GABBR2: variants seen among roughly 807,000 people sequenced by gnomAD.
GABBR2 encodes G-protein coupled receptor 51.
GABBR2 carries 23 observed loss-of-function variants against 105.6 expected under a neutral mutation model. The ratio of observed to expected loss-of-function variants is 0.22; its 90% CI spans 0.16 to 0.31. The LOEUF is 0.31. GABBR2 is among the 10% of genes least tolerant of loss of function. GABBR2 has a pLI of 1.00. For synonymous variants in GABBR2, 478 were observed against 499.7 expected, an observed-to-expected ratio of 0.96 and a Z score of 0.58; for missense variants, 734 against 1,245.5, an observed-to-expected ratio of 0.59 and a Z score of 6.18.
chr9:98,336,596 T>G (rs6478678), intron 13 of GABBR2, among the ~76,000 whole-genome samples: 66,987 of 151,794 alleles, frequency 0.44, 14,888 homozygotes, highest in African/African-American at 0.47. Flanking sequence ...TCCCAGCTAC[T>G]CGGGAGGCTG....
chr9:98,365,662 G>T (rs746945120), intron 12 of GABBR2, among the ~76,000 whole-genome samples: 5 of 152,222 alleles, frequency 3.3e-5, no homozygotes, highest in Non-Finnish European at 7.3e-5. Context: ...CACTGAGGAT[G>T]CAACAGTGGA....
At chr9:98,335,265 G>C (rs1330004785) in intron 13 of GABBR2, among the ~76,000 whole-genome samples, 2 of 152,140 alleles carry the variant, frequency 1.3e-5, no homozygotes, top group African/African-American at 4.8e-5. Flanking sequence ...AACTCCCCAG[G>C]TGGGCCTCTC....
At chr9:98,497,216 G>A (rs923248874) in intron 3 of GABBR2, among the ~76,000 whole-genome samples, 3 of 152,142 alleles carry the variant, frequency 2.0e-5, no homozygotes, top group African/African-American at 4.8e-5. Context: ...GCAGTGAGCC[G>A]TGATCACGCC....
At chr9:98,305,968 C>G (rs968422362) in intron 15 of GABBR2, among the ~76,000 whole-genome samples, 153 bp downstream of exon 15, 1 of 151,954 alleles carries the variant, frequency 6.6e-6, no homozygotes, top group African/African-American at 2.4e-5. Context: ...GCCTTTACTA[C>G]TGTGCATTTT....
intron 2 of GABBR2, chr9:98,552,056 G>A (rs1189925583): frequency 2.0e-5 from 3 of 152,164 alleles, no homozygotes; most frequent in Admixed American, 6.5e-5. Context: ...GAACCCAGAC[G>A]AAAAATGTAA....
intron 14 of GABBR2, among the ~76,000 whole-genome samples, chr9:98,310,750 G>A (rs112867666): frequency 0.017 from 2,616 of 152,232 alleles, 73 homozygotes; most frequent in African/African-American, 0.059. Flanking sequence ...ACTGGATGTC[G>A]GCAGACTGCT....
chr9:98,671,034 C>T (rs1830400372), intron 1 of GABBR2, among the ~76,000 whole-genome samples: 1 of 152,068 alleles, frequency 6.6e-6, no homozygotes, highest in Non-Finnish European at 1.5e-5. Context: ...GAAAATGCAA[C>T]CTAAATATAC....
At chr9:98,349,354 T>G (rs1244856973) in intron 13 of GABBR2, among the ~76,000 whole-genome samples, 17 of 16,248 alleles carry the variant, frequency 1.0e-3, no homozygotes, top group Middle Eastern at 0.028. Context: ...GTTTTGTTTT[T>G]TTTTTTTTTT....
At chr9:98,686,478 C>A (rs1334516374) in intron 1 of GABBR2, among the ~76,000 whole-genome samples, 2 of 152,120 alleles carry the variant, frequency 1.3e-5, no homozygotes, top group Non-Finnish European at 1.5e-5. Flanking sequence ...CTCACTGCAA[C>A]CTTCGCCTCC....
At position 98,670,148 on chromosome 9, in the gene GABBR2, G is replaced by T. The variant is rs376661537; in HGVS notation, c.321+38269C>A. Among the ~76,000 whole-genome samples, 40 of 152,134 alleles carry T rather than the reference G, an allele frequency of 2.6e-4. 2 individuals are homozygous for T. In the South Asian group the frequency reaches 8.1e-3, roughly 31 times the overall value. ...TGGAAAGCTTTTAAAAAATAAACAGGTTTATTGAGATATAATTCACATATA... is the reference window on the plus strand; with the variant it reads ...TGGAAAGCTTTTAAAAAATAAACAGTTTTATTGAGATATAATTCACATATA... On this transcript the variant is annotated intron_variant, in intron 1 of 18. Transcript: ENST00000259455.
intron 1 of GABBR2, among the ~76,000 whole-genome samples, chr9:98,640,506 A>G (rs1286223460): frequency 3.9e-5 from 6 of 152,096 alleles, no homozygotes; most frequent in Non-Finnish European, 1.5e-5. Context: ...CTGGCCAGAA[A>G]CCACCCTCCG....
intron 11 of GABBR2, among the ~76,000 whole-genome samples, chr9:98,372,003 CT>C (rs1412587405): frequency 6.6e-6 from 1 of 152,248 alleles, no homozygotes; most frequent in East Asian, 1.9e-4. Flanking sequence ...CCAGTGTCAC[CT>C]CAGAAGGTCA....
intron 7 of GABBR2, among the ~76,000 whole-genome samples, chr9:98,420,531 A>G (rs1006713022): frequency 6.6e-6 from 1 of 152,178 alleles, no homozygotes; most frequent in Non-Finnish European, 1.5e-5. Context: ...CAGGTACTGG[A>G]GATACAACAA....
intron 11 of GABBR2, among the ~76,000 whole-genome samples, chr9:98,381,770 C>T (rs1194915725): frequency 3.3e-5 from 5 of 152,150 alleles, no homozygotes; most frequent in Non-Finnish European, 5.9e-5. Flanking sequence ...TTTTCAGAGC[C>T]GATGCTGATT....
chr9:98,657,113 A>G (rs1049801509), intron 1 of GABBR2, among the ~76,000 whole-genome samples: 14 of 152,380 alleles, frequency 9.2e-5, no homozygotes, highest in African/African-American at 2.9e-4. Flanking sequence ...TACCTGTGGT[A>G]ACAATCAATT....
At chr9:98,698,077 G>C (rs1158712795) in intron 1 of GABBR2, among the ~76,000 whole-genome samples, 2 of 152,218 alleles carry the variant, frequency 1.3e-5, no homozygotes, top group African/African-American at 4.8e-5. Context: ...CATAAGAAGA[G>C]TGTGAAAAAT....
chr9:98,293,709 C>T (rs1439425137), intron 18 of GABBR2, 76 bp downstream of exon 18: 6 of 774,412 alleles, frequency 7.7e-6, no homozygotes, highest in Admixed American at 4.4e-5. Context: ...GTGAAAACAT[C>T]GTGCAAATTG....
At chr9:98,505,971 C>T (rs552482357) in intron 3 of GABBR2, among the ~76,000 whole-genome samples, 1 of 152,200 alleles carries the variant, frequency 6.6e-6, no homozygotes, top group African/African-American at 2.4e-5. Flanking sequence ...ATGGAGAAGC[C>T]TGGGCTTCCT....
intron 13 of GABBR2, among the ~76,000 whole-genome samples, chr9:98,357,692 A>C (rs10123609): frequency 0.77 from 116,639 of 151,712 alleles, 45,052 homozygotes; most frequent in Admixed American, 0.82. Flanking sequence ...AAAAAAAAAA[A>C]CCCCACATCA....
Sources: gnomAD v4.1 joint callset for allele counts (sites outside exome capture counted in the v4.1 genomes callset) on GRCh38, gnomAD v4.1.1 for gene constraint, MANE v1.5 for transcripts, NCBI Gene and HGNC (gene_info 2026-07-23, HGNC 2026-07-21) for gene names.